SIPA1L3: variants seen among roughly 807,000 people sequenced by gnomAD.
SIPA1L3 encodes the protein signal-induced proliferation-associated 1-like protein 3.
In SIPA1L3, 59 loss-of-function variants were observed where a neutral mutation model predicts 150.1. That is an observed-to-expected ratio of 0.39 (90% CI 0.32 to 0.49). The LOEUF (loss-of-function observed/expected upper bound fraction) is 0.49, where lower values mean the gene tolerates loss of function less well. Among genes scored for constraint, SIPA1L3 ranks in the 20% least tolerant of loss-of-function variants. SIPA1L3 has a pLI of 0.86. For synonymous variants in SIPA1L3, 1,070 were observed against 1,077.6 expected (o/e 0.99, Z 0.14); for missense variants, 2,211 against 2,489.5 (o/e 0.89, Z 2.38).
rs374810838 is a variant in SIPA1L3, at chr19:37,918,292, G to T, written c.-379+10934G>T. Among the ~76,000 whole-genome samples, 60 of 151,778 alleles carry T rather than the reference G, an allele frequency of 4.0e-4. No individual in the cohort carries two copies. The East Asian group carries it at 0.011, about 28-fold the overall frequency. On this transcript the variant is annotated intron_variant, in intron 1 of 21. Coordinates refer to ENST00000222345, the MANE Select transcript of SIPA1L3 (RefSeq NM_015073.3). ...TTGTTTGTTTTTGAGACAGGGTCTT[G>T]CTCTGTCACCAGGCTGGAGTGCAGT...
At chr19:38,051,102 G>A (rs539596491) in intron 2 of SIPA1L3, among the ~76,000 whole-genome samples, 1 of 152,070 alleles carries the variant, frequency 6.6e-6, no homozygotes, top group Non-Finnish European at 1.5e-5. Context: ...AGCAGTGCCT[G>A]GCACATGGTA....
intron 1 of SIPA1L3, among the ~76,000 whole-genome samples, chr19:37,969,630 C>T (rs183415939): frequency 1.2e-3 from 187 of 152,312 alleles, no homozygotes; most frequent in African/African-American, 4.1e-3. Flanking sequence ...CGTGATGCAG[C>T]CGTGCTGGCC....
At position 38,164,569 on chromosome 19, in the gene SIPA1L3, C is replaced by A; in HGVS notation, c.3871C>A (p.Leu1291Met). ...CAGCGACGACCGCTGGTTCGACCCC[C>A]TGGACCCCCTGGAGCCAGAGCAAGA... ...SHSDDRWFDP[L>M]DPLEPEQDPL... The change falls in exon 15 of 22, where the codon CTG (leucine) becomes ATG (methionine). Residue 1291 changes from leucine to methionine, a missense_variant. This residue lies in a region of SIPA1L3 where 806 missense variants were observed against 870.1 expected (regional missense o/e 0.93). Coordinates refer to ENST00000222345, the MANE Select transcript of SIPA1L3 (RefSeq NM_015073.3). The surrounding 1 kb of genome is among the most constrained non-coding windows in gnomAD (Gnocchi z 4.1). 3 of 1,614,100 alleles carry A rather than the reference C, an allele frequency of 1.9e-6. No individual in the cohort carries two copies. Among genetic ancestry groups the A allele is most frequent in the Non-Finnish European group, 1.7e-6 (2 of 1,179,982 alleles).
chr19:37,918,809 T>G (rs568458144), intron 1 of SIPA1L3, among the ~76,000 whole-genome samples: 1 of 151,752 alleles, frequency 6.6e-6, no homozygotes, highest in East Asian at 2.0e-4. Context: ...AGGCAGAGGT[T>G]GCAGTGAGCC....
chr19:38,017,357 C>A (rs1355043629), intron 1 of SIPA1L3, among the ~76,000 whole-genome samples: 1 of 152,074 alleles, frequency 6.6e-6, no homozygotes, highest in East Asian at 1.9e-4. Context: ...ACCGATGAGA[C>A]CCTCTGAAGG....
At chr19:37,947,010 A>G (rs2046717748) in intron 1 of SIPA1L3, among the ~76,000 whole-genome samples, 1 of 152,002 alleles carries the variant, frequency 6.6e-6, no homozygotes, top group Non-Finnish European at 1.5e-5. Context: ...CCTTGGCAAC[A>G]TAGTGAGACC....
intron 1 of SIPA1L3, among the ~76,000 whole-genome samples, chr19:37,952,062 T>A (rs2046769696): frequency 6.6e-6 from 1 of 151,642 alleles, no homozygotes; most frequent in Non-Finnish European, 1.5e-5. Context: ...CCAATCAGAA[T>A]TAAGACAGGT....
In SIPA1L3 at chr19:37,910,942, C is replaced by T. The variant is rs369215060; in HGVS notation, c.-379+3584C>T. Among the ~76,000 whole-genome samples, 8 of 152,016 alleles carry T rather than the reference C, an allele frequency of 5.3e-5. No individual in the cohort carries two copies. In the East Asian group the frequency reaches 5.8e-4, roughly 11 times the overall value. ...ACTATTTTGGTCATGACCTTTTGTG[C>T]GTGTGTGTATGTATGTGATTGGGTT... On this transcript the variant is annotated intron_variant, in intron 1 of 21. Coordinates refer to ENST00000222345, the MANE Select transcript of SIPA1L3 (RefSeq NM_015073.3).
intron 10 of SIPA1L3, among the ~76,000 whole-genome samples, chr19:38,135,427 C>T (rs1467823408): frequency 6.6e-6 from 1 of 152,208 alleles, no homozygotes; most frequent in Non-Finnish European, 1.5e-5. Context: ...AGGGGCAAGT[C>T]AAGGCCAGAT....
chr19:38,195,974 C>T (rs1972919354), intron 18 of SIPA1L3, among the ~76,000 whole-genome samples: 1 of 152,110 alleles, frequency 6.6e-6, no homozygotes, highest in South Asian at 2.1e-4. Flanking sequence ...CAGCTCAGGT[C>T]CCTCTGCATC....
chr19:37,907,219 G>A lies in SIPA1L3; in HGVS notation c.-518G>A, dbSNP rs1429158928. The A allele has an allele frequency of 6.6e-6, 1 of 152,566 alleles. No homozygotes were observed. The allele number at this position is 152,566 out of a possible 1,614,324, so 9.5% of individuals were successfully genotyped here. ...GCTAGGGCGAAACTACAGTTCCCAG[G>A]AGGACTCGCGCGAAGCGGCTTGGAA... On this transcript the variant is annotated 5_prime_UTR_variant, in exon 1 of 22. Transcript: ENST00000222345.
intron 1 of SIPA1L3, among the ~76,000 whole-genome samples, chr19:37,955,928 A>G (rs1206097432): frequency 6.6e-6 from 1 of 152,218 alleles, no homozygotes. Flanking sequence ...TTACTGGGTC[A>G]TTTGGTAACT....
chr19:38,075,871 C>T (rs535628302), intron 2 of SIPA1L3, among the ~76,000 whole-genome samples: 8 of 151,836 alleles, frequency 5.3e-5, no homozygotes, highest in Non-Finnish European at 1.2e-4. Flanking sequence ...AGGCCGGGCA[C>T]GGTGGCTCAC....
chr19:38,151,292 C>T (rs764388773), intron 12 of SIPA1L3, among the ~76,000 whole-genome samples: 1 of 152,204 alleles, frequency 6.6e-6, no homozygotes, highest in Non-Finnish European at 1.5e-5. Flanking sequence ...AAATCAGCAA[C>T]GTTTATTTCT....
chr19:38,076,936 G>A (rs528860080), intron 2 of SIPA1L3, among the ~76,000 whole-genome samples: 28 of 152,274 alleles, frequency 1.8e-4, no homozygotes, highest in African/African-American at 6.5e-4. Context: ...TTGCTATAAG[G>A]CATACCTATA....
intron 19 of SIPA1L3, chr19:38,199,862 T>C (rs2146066885): frequency 6.6e-6 from 1 of 152,228 alleles, no homozygotes; most frequent in Non-Finnish European, 1.5e-5. Flanking sequence ...AATATATATA[T>C]ATATATTTTA....
At chr19:38,128,843 G>C (rs1008309845) in intron 9 of SIPA1L3, among the ~76,000 whole-genome samples, 38 of 152,078 alleles carry the variant, frequency 2.5e-4, no homozygotes, top group Admixed American at 1.7e-3. Flanking sequence ...GTGGCAGTGA[G>C]CTGAGATCGG....
intron 15 of SIPA1L3, among the ~76,000 whole-genome samples, chr19:38,171,533 C>T (rs1032194041): frequency 2.6e-5 from 4 of 151,680 alleles, no homozygotes; most frequent in Non-Finnish European, 5.9e-5. Context: ...GCTGGGATTA[C>T]AGGCACCTGC....
intron 1 of SIPA1L3, among the ~76,000 whole-genome samples, chr19:38,016,330 A>G (rs767186766): frequency 4.6e-5 from 7 of 152,158 alleles, no homozygotes; most frequent in Non-Finnish European, 5.9e-5. Context: ...GGCCAGCTCT[A>G]TTTTTAGTGG....
Sources: gnomAD v4.1 joint callset for allele counts (sites outside exome capture counted in the v4.1 genomes callset) on GRCh38, gnomAD v4.1.1 for gene constraint, gnomAD v4.1.1 regional missense constraint, Gnocchi (gnomAD v3.1) non-coding constraint, MANE v1.5 for transcripts, NCBI Gene and HGNC (gene_info 2026-07-23, HGNC 2026-07-21) for gene names.